Variants in MACROD2 observed in about 807,000 individuals in gnomAD.
MACROD2 encodes mono-ADP ribosylhydrolase 2.
MACROD2 carries 36 observed loss-of-function variants against 70.4 expected under a neutral mutation model. The ratio of observed to expected loss-of-function variants is 0.51; its 90% CI spans 0.39 to 0.68. The LOEUF is 0.68. Ranked by LOEUF, MACROD2 falls within the 30% of genes least tolerant of loss-of-function variation. The pLI, the probability that MACROD2 is intolerant of heterozygous loss-of-function variation, is 0.00. For synonymous variants in MACROD2, 172 were observed against 178.8 expected, an observed-to-expected ratio of 0.96 and a Z score of 0.30; for missense variants, 496 against 538.4, an observed-to-expected ratio of 0.92 and a Z score of 0.78.
chr20:14,862,366 T>A (rs1261476617), intron 5 of MACROD2, among the ~76,000 whole-genome samples: 1 of 29,022 alleles, frequency 3.4e-5, no homozygotes, highest in Non-Finnish European at 5.1e-5. Context: ...TATATAAATA[T>A]ATATAAATAT....
chr20:15,043,183 A>T (rs567309358), intron 5 of MACROD2, among the ~76,000 whole-genome samples: 1 of 152,284 alleles, frequency 6.6e-6, no homozygotes, highest in South Asian at 2.1e-4. Context: ...CAGGCAGTGG[A>T]CTGAATTTGT....
intron 3 of MACROD2, among the ~76,000 whole-genome samples, chr20:14,086,908 C>A (rs772600693): frequency 2.6e-5 from 4 of 152,048 alleles, no homozygotes; most frequent in African/African-American, 9.7e-5. Flanking sequence ...ATACAGAGTT[C>A]AGGTGAGTTT....
chr20:15,642,568 G>A (rs140978920), intron 8 of MACROD2, among the ~76,000 whole-genome samples: 175 of 151,246 alleles, frequency 1.2e-3, no homozygotes, highest in African/African-American at 4.0e-3. Flanking sequence ...TAAAGAGGGA[G>A]GGAAGTAGGG....
chr20:14,968,236 A>G (rs190130568), intron 5 of MACROD2, among the ~76,000 whole-genome samples: 4 of 152,316 alleles, frequency 2.6e-5, no homozygotes, highest in African/African-American at 9.6e-5. Context: ...TAACACCTTG[A>G]CCCAATGAAG....
intron 6 of MACROD2, among the ~76,000 whole-genome samples, chr20:15,381,331 A>G (rs547719187): frequency 1.2e-3 from 177 of 150,460 alleles, no homozygotes; most frequent in African/African-American, 4.1e-3. Flanking sequence ...ACACTTTACT[A>G]AGGCCACCGA....
chr20:15,909,760 T>C (rs1184322934), intron 10 of MACROD2, among the ~76,000 whole-genome samples: 1 of 151,922 alleles, frequency 6.6e-6, no homozygotes, highest in Non-Finnish European at 1.5e-5. Context: ...CCTGACCTCG[T>C]GATCCGCCCG....
intron 10 of MACROD2, among the ~76,000 whole-genome samples, chr20:15,920,053 G>T (rs1368424711): frequency 6.6e-6 from 1 of 152,140 alleles, no homozygotes; most frequent in African/African-American, 2.4e-5. Flanking sequence ...AGTAGTCATG[G>T]GAGAAGTGAC....
intron 8 of MACROD2, among the ~76,000 whole-genome samples, chr20:15,809,828 G>A (rs1269784234): frequency 6.6e-6 from 1 of 150,722 alleles, no homozygotes; most frequent in Admixed American, 6.6e-5. Flanking sequence ...AGTCTTGTGG[G>A]CACATCTGAG....
intron 2 of MACROD2, among the ~76,000 whole-genome samples, chr20:14,018,059 TG>T: frequency 6.6e-6 from 1 of 152,178 alleles, no homozygotes. Flanking sequence ...TTTATCTAGG[TG>T]ATCCAACTTT....
intron 8 of MACROD2, among the ~76,000 whole-genome samples, chr20:15,711,613 C>T (rs763344230): frequency 1.3e-5 from 2 of 152,276 alleles, no homozygotes; most frequent in East Asian, 3.9e-4. Flanking sequence ...GGGGAAATGG[C>T]GTGTGTTTTC....
intron 5 of MACROD2, among the ~76,000 whole-genome samples, chr20:15,141,377 C>A (rs390493): frequency 0.59 from 87,516 of 149,150 alleles, 25,943 homozygotes; most frequent in East Asian, 0.63. Flanking sequence ...TACTCGCATA[C>A]ATACATATAG....
At chr20:15,331,226 G>A (rs766713332) in intron 6 of MACROD2, among the ~76,000 whole-genome samples, 8 of 151,416 alleles carry the variant, frequency 5.3e-5, no homozygotes, top group Non-Finnish European at 1.0e-4. Context: ...TGATAAAATC[G>A]ACTTGTTAAA....
At chr20:14,000,575 GTCTC>G (rs766522389) in intron 1 of MACROD2, among the ~76,000 whole-genome samples, 1 of 152,084 alleles carries the variant, frequency 6.6e-6, no homozygotes, top group Non-Finnish European at 1.5e-5. Flanking sequence ...AGAAATAACT[GTCTC>G]TCTCTCTCAC....
At chr20:15,954,891 A>G (rs1379374385) in intron 12 of MACROD2, among the ~76,000 whole-genome samples, 1 of 152,212 alleles carries the variant, frequency 6.6e-6, no homozygotes, top group African/African-American at 2.4e-5. Flanking sequence ...ATATGAATAC[A>G]ATTACCATCC....
intron 5 of MACROD2, among the ~76,000 whole-genome samples, chr20:15,002,338 G>C (rs765138912): frequency 6.6e-6 from 1 of 151,930 alleles, no homozygotes; most frequent in Non-Finnish European, 1.5e-5. Flanking sequence ...ATCACATTGT[G>C]GCTTTGATTT....
At chr20:14,549,452 G>A (rs1459781430) in intron 4 of MACROD2, among the ~76,000 whole-genome samples, 1 of 152,072 alleles carries the variant, frequency 6.6e-6, no homozygotes, top group Non-Finnish European at 1.5e-5. Flanking sequence ...ATGTAAATAA[G>A]TAATATTTTT....
chr20:14,982,118 A>G (rs2074806283), intron 5 of MACROD2, among the ~76,000 whole-genome samples: 1 of 152,196 alleles, frequency 6.6e-6, no homozygotes, highest in Non-Finnish European at 1.5e-5. Context: ...GTTTTAGGAA[A>G]GAGACTGGCA....
intron 4 of MACROD2, among the ~76,000 whole-genome samples, chr20:14,515,454 T>TACACACACAC (rs771413463): frequency 0.2 from 23,431 of 114,698 alleles, 2,004 homozygotes; most frequent in South Asian, 0.26. Context: ...ATATGTGAGA[T>TACACACACAC]ACACACACAC....
intron 7 of MACROD2, among the ~76,000 whole-genome samples, chr20:15,466,330 G>C (rs2146425016): frequency 6.6e-6 from 1 of 152,256 alleles, no homozygotes; most frequent in East Asian, 1.9e-4. Flanking sequence ...TAGCCCTGAG[G>C]ATATATTAAT....
Sources: gnomAD v4.1 joint callset for allele counts (sites outside exome capture counted in the v4.1 genomes callset) on GRCh38, gnomAD v4.1.1 for gene constraint, MANE v1.5 for transcripts, NCBI Gene and HGNC (gene_info 2026-07-23, HGNC 2026-07-21) for gene names.